Variants in ZBTB16 observed in about 807,000 individuals in gnomAD.
ZBTB16 encodes the protein zinc finger and BTB domain-containing protein 16.
Under a neutral mutation model 56.8 loss-of-function variants are expected in ZBTB16, and 8 were observed. That is an observed-to-expected ratio of 0.14 (90% CI 0.08 to 0.25). ZBTB16 has a LOEUF of 0.25. Ranked by LOEUF, ZBTB16 falls within the 10% of genes least tolerant of loss-of-function variation. ZBTB16 has a pLI of 1.00. For missense variants in ZBTB16, 625 were observed against 903.0 expected, an observed-to-expected ratio of 0.69 and a Z score of 3.95; for synonymous variants, 363 against 368.5, an observed-to-expected ratio of 0.98 and a Z score of 0.17.
At chr11:114,246,911 G>A (rs1591813994) in intron 5 of ZBTB16, 2 of 476,690 alleles carry the variant, frequency 4.2e-6, no homozygotes, top group East Asian at 7.8e-5. Flanking sequence ...CCACAAGGGG[G>A]CTTGCTTTCT....
At chr11:114,190,590 A>G (rs1359856361) in intron 4 of ZBTB16, among the ~76,000 whole-genome samples, 1 of 152,182 alleles carries the variant, frequency 6.6e-6, no homozygotes, top group Non-Finnish European at 1.5e-5. Flanking sequence ...TGAACTGTAC[A>G]CTTTAAAAGA....
chr11:114,089,777 A>G (rs1366068036), intron 2 of ZBTB16, among the ~76,000 whole-genome samples: 4 of 152,194 alleles, frequency 2.6e-5, no homozygotes, highest in Admixed American at 2.6e-4. Context: ...TGAACCTGGT[A>G]TAGGTATGAG....
intron 4 of ZBTB16, chr11:114,210,549 G>A (rs405388): frequency 0.18 from 41,501 of 230,764 alleles, 4,279 homozygotes; most frequent in South Asian, 0.24. Context: ...TGGAAGAAGC[G>A]GATTAGTGTG....
chr11:114,248,178 C>T (rs565440014), intron 6 of ZBTB16, among the ~76,000 whole-genome samples: 22 of 152,196 alleles, frequency 1.4e-4, no homozygotes, highest in South Asian at 6.2e-4. Context: ...GGATTACAGG[C>T]GTGAGCCACC....
At chr11:114,177,845 G>T (rs1047530462) in intron 3 of ZBTB16, among the ~76,000 whole-genome samples, 8 of 152,166 alleles carry the variant, frequency 5.3e-5, no homozygotes, top group African/African-American at 1.9e-4. Context: ...CGTCACCCAG[G>T]CTGGGGTTAC....
chr11:114,148,393 TTCCCTCCCTCCCTCCCTCCC>T (rs869187426), intron 2 of ZBTB16, among the ~76,000 whole-genome samples: 1 of 27,442 alleles, frequency 3.6e-5, no homozygotes, highest in African/African-American at 1.4e-4. Context: ...TCCTTCCTCC[TTCCCTCCCTCCCTCCCTCCC>T]TCCCTCCCTC....
In ZBTB16 at chr11:114,253,920, C is replaced by T. The variant is rs1288467762; in HGVS notation, c.*3365C>T. On this transcript the variant is annotated 3_prime_UTR_variant, in exon 7 of 7. Coordinates refer to ENST00000335953, the MANE Select transcript of ZBTB16 (RefSeq NM_006006.6). Reference sequence around the variant, plus strand: ...TCTTCTTCATGCCACCTGACTCCTTCGGCCCCCTGGCTGCCTTTAGCTGTG... The same window carrying T: ...TCTTCTTCATGCCACCTGACTCCTTTGGCCCCCTGGCTGCCTTTAGCTGTG... 6.6e-5 allele frequency among the ~76,000 whole-genome samples: 10 copies of T among 152,130 alleles called. No homozygotes were observed. Among genetic ancestry groups the T allele is most frequent in the Non-Finnish European group, 2.9e-5 (2 of 68,018 alleles).
chr11:114,131,202 A>T (rs1307181120), intron 2 of ZBTB16, among the ~76,000 whole-genome samples: 1 of 152,068 alleles, frequency 6.6e-6, no homozygotes, highest in Non-Finnish European at 1.5e-5. Context: ...ACAACCTAAG[A>T]GGTTGTTTAC....
intron 6 of ZBTB16, among the ~76,000 whole-genome samples, chr11:114,248,434 C>T (rs1054162418): frequency 2.0e-5 from 3 of 152,206 alleles, no homozygotes; most frequent in African/African-American, 7.2e-5. Flanking sequence ...TCAGCAGATG[C>T]TACAAACCAG....
In ZBTB16 at chr11:114,254,790, T is replaced by A. The variant is rs915452351; in HGVS notation, c.*4235T>A. Among the ~76,000 whole-genome samples, 9 of 151,928 alleles carry A rather than the reference T, an allele frequency of 5.9e-5. No individual in the cohort carries two copies. Among genetic ancestry groups the A allele is most frequent in the Admixed American group, 5.2e-4 (8 of 15,260 alleles). On this transcript the variant is annotated 3_prime_UTR_variant, in exon 7 of 7. Coordinates refer to ENST00000335953, the MANE Select transcript of ZBTB16 (RefSeq NM_006006.6). ...TTACCTGGATATTTCAGTGGGAGGA[T>A]GAAAGGCGAGACTCACCCTACGCGG...
At chr11:114,097,603 G>A (rs892230642) in intron 2 of ZBTB16, among the ~76,000 whole-genome samples, 7 of 151,634 alleles carry the variant, frequency 4.6e-5, no homozygotes, top group South Asian at 2.1e-4. Context: ...AACACACATC[G>A]CCTGTACTCC....
At chr11:114,154,251 G>A (rs1236204462) in intron 2 of ZBTB16, among the ~76,000 whole-genome samples, 2 of 152,154 alleles carry the variant, frequency 1.3e-5, no homozygotes, top group African/African-American at 2.4e-5. Context: ...ATGGGTGTTC[G>A]TCCTCCTATT....
intron 4 of ZBTB16, among the ~76,000 whole-genome samples, chr11:114,196,727 T>A (rs1170935190): frequency 6.6e-6 from 1 of 152,212 alleles, no homozygotes; most frequent in East Asian, 1.9e-4. Flanking sequence ...AAGGTTACGG[T>A]GTTATGAAGG....
rs1591631928 is a variant in ZBTB16 at position 114,064,272 on chromosome 11, A to C, written c.972A>C (p.Ala324=). The stretch of plus-strand genomic sequence containing the variant: ...CCACTGGCCGACCTGAGCACCCAGC[A>C]CCCCCGCCTGAGAAGCATCTGGGCA... The part of the protein sequence containing the change: ...QAPTGRPEHP[A]PPPEKHLGIY... The change falls in exon 2 of 7, where the codon GCA becomes GCC. Residue 324 remains alanine (A), a synonymous_variant. Coordinates refer to ENST00000335953, the MANE Select transcript of ZBTB16 (RefSeq NM_006006.6). The surrounding 1 kb of genome is among the most constrained non-coding windows in gnomAD (Gnocchi z 4.2). 2 of 1,613,812 alleles carry C rather than the reference A, an allele frequency of 1.2e-6. No homozygotes were observed. The highest frequency in any genetic ancestry group is 8.5e-7 in the Non-Finnish European group (1 of 1,179,970).
At chr11:114,233,741 T>C (rs1299829002) in intron 4 of ZBTB16, among the ~76,000 whole-genome samples, 1 of 152,140 alleles carries the variant, frequency 6.6e-6, no homozygotes, top group Non-Finnish European at 1.5e-5. Context: ...TTACTTTTAT[T>C]GTGCAGGTCT....
chr11:114,159,915 C>T (rs1345170112), intron 3 of ZBTB16, among the ~76,000 whole-genome samples: 1 of 132,678 alleles, frequency 7.5e-6, no homozygotes, highest in Non-Finnish European at 1.6e-5. Flanking sequence ...AGTAGTTGCT[C>T]CAGAACCCTG....
chr11:114,217,167 T>C (rs547223769), intron 4 of ZBTB16, among the ~76,000 whole-genome samples: 2 of 152,300 alleles, frequency 1.3e-5, no homozygotes, highest in East Asian at 1.9e-4. Flanking sequence ...GTGGATACAG[T>C]TGGAGGCATA....
intron 2 of ZBTB16, among the ~76,000 whole-genome samples, chr11:114,151,528 C>G (rs1292173792): frequency 6.6e-6 from 1 of 152,182 alleles, no homozygotes; most frequent in East Asian, 1.9e-4. Context: ...GTCTTTCCAG[C>G]AAAACTCACA....
intron 2 of ZBTB16, among the ~76,000 whole-genome samples, chr11:114,069,999 A>G (rs1939268645): frequency 6.6e-6 from 1 of 150,554 alleles, no homozygotes; most frequent in African/African-American, 2.5e-5. Context: ...GAATATTCAT[A>G]TGTTTTGCTG....
Sources: allele counts gnomAD v4.1 joint callset (sites outside exome capture counted in the v4.1 genomes callset), GRCh38; gene constraint gnomAD v4.1.1; non-coding constraint Gnocchi (gnomAD v3.1); transcripts MANE v1.5; gene names NCBI Gene and HGNC (gene_info 2026-07-23, HGNC 2026-07-21).